Variants in TENM3 observed in about 807,000 individuals in gnomAD.
TENM3 encodes the protein teneurin-3.
In TENM3, 63 loss-of-function variants were observed where a neutral mutation model predicts 255.1. The ratio of observed to expected loss-of-function variants is 0.25; its 90% CI spans 0.20 to 0.30. The LOEUF is 0.30. Ranked by LOEUF, TENM3 falls within the 10% of genes least tolerant of loss-of-function variation. The pLI, the probability that TENM3 is intolerant of heterozygous loss-of-function variation, is 1.00. For missense variants in TENM3, 2,929 were observed against 3,461.1 expected, an observed-to-expected ratio of 0.85 and a Z score of 3.86; for synonymous variants, 1,306 against 1,322.3, an observed-to-expected ratio of 0.99 and a Z score of 0.27.
intron 3 of TENM3, among the ~76,000 whole-genome samples, chr4:182,557,766 G>C (rs1742715680): frequency 6.6e-6 from 1 of 152,120 alleles, no homozygotes; most frequent in African/African-American, 2.4e-5. Context: ...CACCAGCCCA[G>C]CTGAGATTCA....
At chr4:182,698,656 G>A (rs1471517422) in intron 12 of TENM3, among the ~76,000 whole-genome samples, 2 of 152,342 alleles carry the variant, frequency 1.3e-5, no homozygotes, top group South Asian at 4.1e-4. Flanking sequence ...ATGGGAGTAA[G>A]TGTGGGGATA....
the TENM3 span, among the ~76,000 whole-genome samples, chr4:181,819,033 T>C: frequency 6.6e-6 from 1 of 152,186 alleles, no homozygotes; most frequent in Non-Finnish European, 1.5e-5. Flanking sequence ...CTCCCCTTCA[T>C]TGCCATCCAC....
At chr4:182,230,833 T>G in intron 1 of TENM3, among the ~76,000 whole-genome samples, 1 of 110,244 alleles carries the variant, frequency 9.1e-6, no homozygotes, top group African/African-American at 3.1e-5. Context: ...TATATATATA[T>G]ATATATATAT....
chr4:182,452,818 T>C (rs1264103298), intron 3 of TENM3, among the ~76,000 whole-genome samples: 2 of 152,188 alleles, frequency 1.3e-5, no homozygotes, highest in South Asian at 2.1e-4. Context: ...CAATAGATAA[T>C]GTGCAATAAA....
chr4:182,560,111 A>T (rs1364459937), intron 3 of TENM3, among the ~76,000 whole-genome samples: 1 of 151,152 alleles, frequency 6.6e-6, no homozygotes, highest in Non-Finnish European at 1.5e-5. Context: ...AAGAGTAACT[A>T]TCCCCACAAC....
chr4:181,530,038 A>G, the TENM3 span, among the ~76,000 whole-genome samples: 148 of 152,336 alleles, frequency 9.7e-4, no homozygotes, highest in African/African-American at 3.4e-3. Flanking sequence ...AACTCTCTTT[A>G]TTATTCTGGT....
chr4:181,599,096 A>T, the TENM3 span, among the ~76,000 whole-genome samples: 1 of 152,220 alleles, frequency 6.6e-6, no homozygotes, highest in African/African-American at 2.4e-5. Context: ...GTAAGTATCC[A>T]GGCAGGGGCA....
At chr4:182,324,830 A>G (rs568106169) in intron 2 of TENM3, among the ~76,000 whole-genome samples, 25 of 152,262 alleles carry the variant, frequency 1.6e-4, no homozygotes, top group East Asian at 3.9e-4. Flanking sequence ...AACACTTCCT[A>G]GTTTCCCACA....
At chr4:182,402,019 C>T (rs1769244908) in intron 3 of TENM3, among the ~76,000 whole-genome samples, 1 of 152,154 alleles carries the variant, frequency 6.6e-6, no homozygotes, top group South Asian at 2.1e-4. Flanking sequence ...TATCGACTAA[C>T]AAAGACAAAT....
chr4:181,875,311 C>A, the TENM3 span, among the ~76,000 whole-genome samples: 3 of 152,072 alleles, frequency 2.0e-5, no homozygotes, highest in African/African-American at 7.2e-5. Context: ...TTAATAATAG[C>A]AATTTGTTAG....
chr4:181,523,009 T>C, the TENM3 span: 7 of 638,960 alleles, frequency 1.1e-5, no homozygotes, highest in East Asian at 2.0e-4. Flanking sequence ...GCATCAGTCC[T>C]ATAATTTGAA....
rs540974250 is a variant in TENM3 at position 182,196,797 on chromosome 4, A to G, written c.-76+52043A>G. 3.3e-5 allele frequency among the ~76,000 whole-genome samples: 5 copies of G among 152,336 alleles called. No homozygotes were observed. The East Asian group carries it at 9.7e-4, about 29-fold the overall frequency. ...AAAGGAACATACCCTGATGTTTTTA[A>G]AACAGTCATACCTTGTCAGTTTCAC... is the stretch of plus-strand genomic sequence containing the variant. On this transcript the variant is annotated intron_variant, in intron 1 of 2. Coordinates refer to the TENM3 transcript ENST00000512480.
the TENM3 span, among the ~76,000 whole-genome samples, chr4:182,102,408 G>T: frequency 6.6e-6 from 1 of 152,168 alleles, no homozygotes; most frequent in East Asian, 1.9e-4. Context: ...TTGTTCAATT[G>T]ATCCATTAAG....
chr4:182,233,590 A>G (rs1040334546), intron 1 of TENM3, among the ~76,000 whole-genome samples: 7 of 152,170 alleles, frequency 4.6e-5, no homozygotes, highest in Non-Finnish European at 8.8e-5. Context: ...AAATTCACAG[A>G]AGTTTGGATT....
At chr4:181,975,642 G>C in the TENM3 span, 1 of 152,406 alleles carries the variant, frequency 6.6e-6, no homozygotes. Flanking sequence ...CAAGCAGGGG[G>C]ACTGGTTAGG....
chr4:182,707,697 C>T (rs567015316), intron 12 of TENM3: 2 of 152,270 alleles, frequency 1.3e-5, no homozygotes, highest in Admixed American at 1.3e-4. Flanking sequence ...CTTTGCCTAC[C>T]TGTACCAGCA....
chr4:181,736,922 G>C, the TENM3 span, among the ~76,000 whole-genome samples: 4 of 152,198 alleles, frequency 2.6e-5, no homozygotes, highest in East Asian at 7.8e-4. Context: ...GGAGAAGCCA[G>C]GAGAAACACG....
intron 22 of TENM3, among the ~76,000 whole-genome samples, chr4:182,764,596 A>G (rs542161422): frequency 6.6e-6 from 1 of 152,296 alleles, no homozygotes; most frequent in African/African-American, 2.4e-5. Context: ...AGAGAAAGAG[A>G]CTGCTAGGCC....
chr4:182,638,047 T>C (rs1035613173), intron 5 of TENM3, among the ~76,000 whole-genome samples: 6 of 151,838 alleles, frequency 4.0e-5, no homozygotes, highest in Non-Finnish European at 7.4e-5. Context: ...TTTTTTTTTT[T>C]TAGTTTTCAT....
Sources: allele counts gnomAD v4.1 joint callset (sites outside exome capture counted in the v4.1 genomes callset), GRCh38; gene constraint gnomAD v4.1.1; transcripts MANE v1.5; gene names NCBI Gene and HGNC (gene_info 2026-07-23, HGNC 2026-07-21).